Variants in TBC1D2 observed in about 807,000 individuals in gnomAD.
The protein encoded by TBC1D2 is TBC1 domain family member 2A.
In TBC1D2, 58 loss-of-function variants were observed where a neutral mutation model predicts 91.1. The ratio of observed to expected loss-of-function variants is 0.64; its 90% CI spans 0.52 to 0.79. The LOEUF (loss-of-function observed/expected upper bound fraction) is 0.79, where lower values mean the gene tolerates loss of function less well. TBC1D2 is among the 30% of genes least tolerant of loss of function. The pLI is 0.00. For missense variants in TBC1D2, 1,080 were observed against 1,208.3 expected (o/e 0.89, Z 1.57); for synonymous variants, 482 against 511.5 (o/e 0.94, Z 0.78).
chr9:98,202,698 T>G (rs1284716981), intron 10 of TBC1D2, among the ~76,000 whole-genome samples: 2 of 152,238 alleles, frequency 1.3e-5, no homozygotes, highest in African/African-American at 2.4e-5. Flanking sequence ...AATGGACACA[T>G]GGAGGTTCAT....
chr9:98,200,140 C>G (rs1012309751), intron 12 of TBC1D2, 113 bp downstream of exon 12: 3 of 1,433,564 alleles, frequency 2.1e-6, no homozygotes, highest in Non-Finnish European at 2.9e-6. Flanking sequence ...AGCTATAATA[C>G]GAGCATCAGC....
At chr9:98,209,828 C>CTTGCT (rs1203311621) in intron 8 of TBC1D2, among the ~76,000 whole-genome samples, 1 of 141,574 alleles carries the variant, frequency 7.1e-6, no homozygotes, top group African/African-American at 2.7e-5. Context: ...CCCTTCCCCC[C>CTTGCT]TTCCTTTCTT....
At chr9:98,235,653 C>T (rs1315459638) in intron 3 of TBC1D2, 2 of 320,112 alleles carry the variant, frequency 6.2e-6, no homozygotes, top group Non-Finnish European at 1.2e-5. Flanking sequence ...AAAATACGGT[C>T]CTTCCTAACC....
At chr9:98,223,200 T>C (rs1468520720) in intron 5 of TBC1D2, among the ~76,000 whole-genome samples, 1 of 152,112 alleles carries the variant, frequency 6.6e-6, no homozygotes, top group African/African-American at 2.4e-5. Context: ...GGAATACCAG[T>C]CCAGAGCATT....
At chr9:98,201,180 C>T (rs10985408) in intron 11 of TBC1D2, among the ~76,000 whole-genome samples, 15,625 of 152,028 alleles carry the variant, frequency 0.1, 1,007 homozygotes, top group East Asian at 0.2. Context: ...AGGTTTAGTC[C>T]AAACAGGAGG....
At chr9:98,241,040 G>A (rs1279874239) in intron 3 of TBC1D2, among the ~76,000 whole-genome samples, 1 of 152,186 alleles carries the variant, frequency 6.6e-6, no homozygotes, top group Non-Finnish European at 1.5e-5. Flanking sequence ...CAATGGGGAT[G>A]TCAAACATAT....
At chr9:98,237,315 C>T (rs1829528848) in intron 3 of TBC1D2, among the ~76,000 whole-genome samples, 1 of 146,670 alleles carries the variant, frequency 6.8e-6, no homozygotes, top group Non-Finnish European at 1.5e-5. Flanking sequence ...CCACTGCACT[C>T]TAGTCTGGGT....
At position 98,199,408 on chromosome 9, in the gene TBC1D2, G is replaced by T; in HGVS notation, c.2760C>A (p.Ser920Arg). The T allele has an allele frequency of 6.2e-7, 1 of 1,613,552 alleles. No homozygotes were observed. Among genetic ancestry groups the T allele is most frequent in the Non-Finnish European group, 8.5e-7 (1 of 1,179,958 alleles). ...RRRAVSEGCA[S>R]EDEVEGEA is the part of the protein sequence containing the mutation. ...AGGCTTCCCCCTCCACCTCGTCCTCGCTGGCACAGCCCTCGGACACAGCTC... is the reference window on the plus strand; with the variant it reads ...AGGCTTCCCCCTCCACCTCGTCCTCTCTGGCACAGCCCTCGGACACAGCTC... The change falls in exon 13 of 13, where the codon AGC (serine) becomes AGA (arginine). Residue 920 changes from serine to arginine, a missense_variant. Transcript: ENST00000465784.
chr9:98,223,194 T>C (rs866634439), intron 5 of TBC1D2, among the ~76,000 whole-genome samples: 4 of 152,190 alleles, frequency 2.6e-5, no homozygotes, highest in African/African-American at 9.7e-5. Context: ...TTGTGGGGAA[T>C]ACCAGTCCAG....
intron 3 of TBC1D2, chr9:98,235,587 C>A: frequency 2.2e-6 from 1 of 446,650 alleles, no homozygotes; most frequent in Non-Finnish European, 4.4e-6. Context: ...TGAAGTCTTC[C>A]AATCCTTCTC....
At position 98,251,837 on chromosome 9, in the gene TBC1D2, G is replaced by A. The variant is rs1270460498; in HGVS notation, c.459C>T (p.Ala153=). The A allele has an allele frequency of 8.1e-6, 13 of 1,605,188 alleles. No homozygotes were observed. Among genetic ancestry groups the A allele is most frequent in the Non-Finnish European group, 1.1e-5 (13 of 1,176,296 alleles). Residue 153 remains alanine, a synonymous_variant, in exon 2 of 13, where the codon GCC becomes GCT. Transcript: ENST00000465784. ...TCCCAGCCAGGGCGGCATCAGGGGTGGCAGGAGGTGCCGGCGGGCTGTTGT... is the reference window on the plus strand; with the variant it reads ...TCCCAGCCAGGGCGGCATCAGGGGTAGCAGGAGGTGCCGGCGGGCTGTTGT... ...EFHNSPPAPP[A]TPDAALAGNG...
chr9:98,203,707 T>TGG (rs1235199245), intron 9 of TBC1D2, among the ~76,000 whole-genome samples: 1 of 152,168 alleles, frequency 6.6e-6, no homozygotes, highest in Admixed American at 6.5e-5. Flanking sequence ...GGCAAGTTAC[T>TGG]GAACCCCTGT....
At chr9:98,221,437 C>T (rs996654817) in intron 5 of TBC1D2, among the ~76,000 whole-genome samples, 1 of 152,238 alleles carries the variant, frequency 6.6e-6, no homozygotes, top group Admixed American at 6.5e-5. Context: ...ACTGCATCTC[C>T]CAGCCAAGCC....
intron 11 of TBC1D2, 39 bp from the exon 12 acceptor site, chr9:98,200,413 G>T (rs752806506): frequency 1.3e-6 from 2 of 1,500,666 alleles, no homozygotes; most frequent in Non-Finnish European, 9.0e-7. Flanking sequence ...GCATGGGGGG[G>T]CCAGGCAGGT....
Position 98,224,176 on chromosome 9 carries a change from G to A in TBC1D2, c.979-2948C>T, listed in dbSNP as rs537485343. Among the ~76,000 whole-genome samples, 706 of 144,108 alleles carry A rather than the reference G, an allele frequency of 4.9e-3. 1 individual carries two copies. The highest frequency in any genetic ancestry group is 7.9e-3 in the Non-Finnish European group (525 of 66,750). 94.5% of individuals were successfully genotyped at this position (144,108 alleles called of 152,430 possible). A position where few individuals can be genotyped will look rare whatever the true frequency, so the allele number is the denominator to read the frequency against. ...CGCACCACTGCACTCTAGCCTGGGC[G>A]ACAGAGCGAGACTCCATCTCAAAAA... On this transcript the variant is annotated intron_variant, in intron 5 of 12. Coordinates refer to ENST00000465784, the MANE Select transcript of TBC1D2 (RefSeq NM_001267571.2).
At chr9:98,244,659 CAAA>C (rs59871511) in intron 2 of TBC1D2, among the ~76,000 whole-genome samples, 1 of 46,884 alleles carries the variant, frequency 2.1e-5, no homozygotes, top group Non-Finnish European at 4.0e-5. Context: ...AACTCCGTCT[CAAA>C]AAAAAAAAAA....
chr9:98,234,557 A>G (rs977249702), intron 3 of TBC1D2, among the ~76,000 whole-genome samples: 3 of 152,206 alleles, frequency 2.0e-5, no homozygotes, highest in African/African-American at 7.2e-5. Flanking sequence ...AATAGAAACT[A>G]TCAGGGCTGC....
chr9:98,251,066 C>A (rs1322530433), intron 2 of TBC1D2, among the ~76,000 whole-genome samples: 1 of 152,086 alleles, frequency 6.6e-6, no homozygotes, highest in Admixed American at 6.6e-5. Context: ...GCGGGTAGAT[C>A]ACGAGGTCAG....
chr9:98,227,015 G>C (rs1829247735), intron 5 of TBC1D2, among the ~76,000 whole-genome samples: 1 of 152,232 alleles, frequency 6.6e-6, no homozygotes, highest in South Asian at 2.1e-4. Flanking sequence ...TGTCAAGAGA[G>C]GCTGCCCGTA....
Sources: allele counts gnomAD v4.1 joint callset (sites outside exome capture counted in the v4.1 genomes callset), GRCh38; gene constraint gnomAD v4.1.1; transcripts MANE v1.5; gene names NCBI Gene and HGNC (gene_info 2026-07-23, HGNC 2026-07-21).